Variants in ESRRG observed in about 807,000 individuals in gnomAD.
The protein encoded by ESRRG is estrogen-related receptor gamma.
In ESRRG, 13 loss-of-function variants were observed where a neutral mutation model predicts 44.0. The observed-to-expected ratio is 0.30, with a 90% CI of 0.19 to 0.47. ESRRG has a LOEUF of 0.47. ESRRG is among the 20% of genes least tolerant of loss of function. The pLI is 1.00. For missense variants in ESRRG, 395 were observed against 580.6 expected (o/e 0.68, Z 3.29); for synonymous variants, 215 against 214.6 (o/e 1.00, Z -0.02).
chr1:216,549,668 C>T (rs2055664032), intron 5 of ESRRG, among the ~76,000 whole-genome samples: 1 of 152,082 alleles, frequency 6.6e-6, no homozygotes, highest in African/African-American at 2.4e-5. Flanking sequence ...GCACTGCATA[C>T]ATGCACGTCT....
chr1:216,605,583 A>G (rs10863258), intron 3 of ESRRG, among the ~76,000 whole-genome samples: 84,294 of 151,900 alleles, frequency 0.55, 23,551 homozygotes, highest in African/African-American at 0.58. Context: ...GTATACTGTC[A>G]CCAATAGTAA....
intron 1 of ESRRG, among the ~76,000 whole-genome samples, chr1:217,120,248 C>T (rs1287163174): frequency 6.6e-6 from 1 of 151,808 alleles, no homozygotes; most frequent in Non-Finnish European, 1.5e-5. Context: ...ACCTCCCTCT[C>T]CCTCATCCTA....
intron 1 of ESRRG, among the ~76,000 whole-genome samples, chr1:217,037,979 G>A (rs1303687137): frequency 1.3e-5 from 2 of 152,176 alleles, no homozygotes; most frequent in African/African-American, 2.4e-5. Flanking sequence ...GCAAAAGGGG[G>A]GTTCTCATAG....
intron 3 of ESRRG, among the ~76,000 whole-genome samples, chr1:216,611,086 C>G (rs1376469128): frequency 6.6e-6 from 1 of 151,622 alleles, no homozygotes; most frequent in Non-Finnish European, 1.5e-5. Context: ...GCCTGTAATC[C>G]CAGCTACTCG....
intron 1 of ESRRG, among the ~76,000 whole-genome samples, chr1:217,067,093 T>C (rs1256394114): frequency 2.0e-5 from 3 of 152,224 alleles, no homozygotes; most frequent in Admixed American, 2.0e-4. Flanking sequence ...AAACTCAACA[T>C]TTAATTTTCT....
At chr1:216,774,286 G>A (rs1168408125) in intron 2 of ESRRG, among the ~76,000 whole-genome samples, 1 of 152,090 alleles carries the variant, frequency 6.6e-6, no homozygotes, top group Non-Finnish European at 1.5e-5. Context: ...TCCTTTCAAG[G>A]TGATGATTTA....
At chr1:217,058,880 T>A (rs1393049613) in intron 1 of ESRRG, among the ~76,000 whole-genome samples, 1 of 126,068 alleles carries the variant, frequency 7.9e-6, no homozygotes, top group African/African-American at 2.8e-5. Flanking sequence ...TACAATAAAC[T>A]ATAGATATTA....
chr1:216,526,785 T>A (rs1216522053), intron 5 of ESRRG, among the ~76,000 whole-genome samples: 1 of 152,118 alleles, frequency 6.6e-6, no homozygotes, highest in Admixed American at 6.6e-5. Context: ...TGGGTAACGG[T>A]GAGCACCTCA....
At chr1:216,987,471 G>C (rs930499945) in intron 1 of ESRRG, among the ~76,000 whole-genome samples, 1 of 152,184 alleles carries the variant, frequency 6.6e-6, no homozygotes, top group Non-Finnish European at 1.5e-5. Flanking sequence ...GTACTTTAAA[G>C]AGGGATGTGA....
rs147081512 is a variant in ESRRG, at chr1:216,838,797, A to G, written c.-14+100785T>C. 5.1e-3 allele frequency among the ~76,000 whole-genome samples: 780 copies of G among 152,304 alleles called. 7 individuals are homozygous for G. Among genetic ancestry groups the G allele is most frequent in the African/African-American group, 0.018 (762 of 41,570 alleles). On this transcript the variant is annotated intron_variant, in intron 2 of 7. Coordinates refer to the ESRRG transcript ENST00000359162. Reference sequence around the variant, plus strand: ...CCATAATATAGTGTGCAATAGCATTATGTCTAAAAAACAGTTTTAAAATAC... The same window carrying G: ...CCATAATATAGTGTGCAATAGCATTGTGTCTAAAAAACAGTTTTAAAATAC...
chr1:216,533,067 C>T (rs1301108500), intron 5 of ESRRG, among the ~76,000 whole-genome samples: 2 of 152,044 alleles, frequency 1.3e-5, no homozygotes, highest in Non-Finnish European at 2.9e-5. Flanking sequence ...CATTTTATTG[C>T]ACCTGACTAG....
chr1:216,649,138 A>G (rs899780117), intron 3 of ESRRG, among the ~76,000 whole-genome samples: 1 of 152,126 alleles, frequency 6.6e-6, no homozygotes, highest in Non-Finnish European at 1.5e-5. Context: ...GTTTTCCTTT[A>G]TCAAAATTGT....
intron 3 of ESRRG, among the ~76,000 whole-genome samples, chr1:216,611,765 A>C (rs2060709616): frequency 6.6e-6 from 1 of 152,192 alleles, no homozygotes; most frequent in African/African-American, 2.4e-5. Flanking sequence ...ATGTAAAAAA[A>C]AAAAAATTCC....
At chr1:216,516,151 G>C (rs950088036) in intron 6 of ESRRG, among the ~76,000 whole-genome samples, 2 of 151,994 alleles carry the variant, frequency 1.3e-5, no homozygotes, top group African/African-American at 4.8e-5. Flanking sequence ...TTACTCAAGA[G>C]GTTGTTAATA....
intron 1 of ESRRG, among the ~76,000 whole-genome samples, chr1:217,132,635 G>T (rs564675018): frequency 1.3e-5 from 2 of 152,122 alleles, no homozygotes; most frequent in African/African-American, 2.4e-5. Flanking sequence ...AAGGTCGGTC[G>T]TCTAAGAAAA....
Position 216,912,181 on chromosome 1 carries a change from A to AGG in ESRRG, c.-14+27400_-14+27401insCC, listed in dbSNP as rs2060486532. ...AAAAGAAAAGAAAAGAAAAGAAAAGAAAAGGAGAGGAGAGGAGAGGAGAGG... is the reference window on the plus strand; with the variant it reads ...AAAAGAAAAGAAAAGAAAAGAAAAGAGGAAAGGAGAGGAGAGGAGAGGAGAGG... On this transcript the variant is annotated intron_variant, in intron 2 of 7. Coordinates refer to the ESRRG transcript ENST00000359162. 2.1e-3 allele frequency among the ~76,000 whole-genome samples: 34 copies of AGG among 15,976 alleles called. 7 individuals are homozygous for AGG. Among genetic ancestry groups the AGG allele is most frequent in the Non-Finnish European group, 1.6e-3 (14 of 8,992 alleles). 10.5% of individuals were successfully genotyped at this position (15,976 alleles called of 152,430 possible).
intron 2 of ESRRG, among the ~76,000 whole-genome samples, chr1:216,668,486 C>T (rs1000120808): frequency 1.3e-5 from 2 of 152,086 alleles, no homozygotes; most frequent in African/African-American, 2.4e-5. Flanking sequence ...ACCAGAGATT[C>T]TTTTTTCTGC....
At position 217,108,262 on chromosome 1, in the gene ESRRG, C is replaced by T. The variant is rs12095017; in HGVS notation, c.-230+29405G>A. On this transcript the variant is annotated intron_variant, in intron 1 of 8. Coordinates refer to the ESRRG transcript ENST00000366940. Reference sequence around the variant, plus strand: ...TCATCCTTCAAATCTCTTCTTAATGCTACCTCCTTTAGTTATTCCCCATCT... The same window carrying T: ...TCATCCTTCAAATCTCTTCTTAATGTTACCTCCTTTAGTTATTCCCCATCT... Among the ~76,000 whole-genome samples the T allele has an allele frequency of 5.1e-3, 773 of 152,272 alleles. 4 individuals carry two copies. Among genetic ancestry groups the T allele is most frequent in the African/African-American group, 0.018 (736 of 41,556 alleles).
intron 1 of ESRRG, among the ~76,000 whole-genome samples, chr1:216,987,152 T>C (rs970623494): frequency 1.3e-5 from 2 of 152,246 alleles, no homozygotes; most frequent in Admixed American, 6.5e-5. Flanking sequence ...GTGATATTTG[T>C]AAGCTTTGTT....
Sources: gnomAD v4.1 joint callset for allele counts (sites outside exome capture counted in the v4.1 genomes callset) on GRCh38, gnomAD v4.1.1 for gene constraint, MANE v1.5 for transcripts, NCBI Gene and HGNC (gene_info 2026-07-23, HGNC 2026-07-21) for gene names.